Variants in MED23 observed in about 807,000 individuals in gnomAD.
MED23 encodes the protein mediator of RNA polymerase II transcription subunit 23.
Under a neutral mutation model 163.9 loss-of-function variants are expected in MED23, and 105 were observed. That is an observed-to-expected ratio of 0.64 (90% CI 0.55 to 0.75). The LOEUF (loss-of-function observed/expected upper bound fraction) is 0.75. MED23 is among the 30% of genes least tolerant of loss of function. The pLI is 0.00. For synonymous variants in MED23, 561 were observed against 565.6 expected, an observed-to-expected ratio of 0.99 and a Z score of 0.12; for missense variants, 1,054 against 1,649.0, an observed-to-expected ratio of 0.64 and a Z score of 6.25.
rs767560678 is a variant in MED23 at position 131,598,507 on chromosome 6, T to A, written c.2427-40A>T. On this transcript the variant is annotated intron_variant, in intron 19 of 28. Transcript: ENST00000368068. The surrounding 1 kb of genome is among the most constrained non-coding windows in gnomAD (Gnocchi z 4.7). ...GTAAAACATAAACTCCATTGTTGTA[T>A]GGATACAACAATTTGCCAAATGGAA... 3 of 1,613,936 alleles carry A rather than the reference T, an allele frequency of 1.9e-6. No homozygotes were observed. The highest frequency in any genetic ancestry group is 2.5e-6 in the Non-Finnish European group (3 of 1,179,854).
rs193256900 is a variant in MED23, at chr6:131,575,434, T to C, written c.4096-1139A>G. Among the ~76,000 whole-genome samples, 6 of 152,194 alleles carry C rather than the reference T, an allele frequency of 3.9e-5. No individual in the cohort carries two copies. In the East Asian group the frequency reaches 7.8e-4, roughly 20 times the overall value. ...AGAAGGAGAAATCATGTTTACTTGATTGGGGAGAGGCAGGTGTGTCAAGCA... is the reference window on the plus strand; with the variant it reads ...AGAAGGAGAAATCATGTTTACTTGACTGGGGAGAGGCAGGTGTGTCAAGCA... On this transcript the variant is annotated intron_variant, in intron 30 of 30. Transcript: ENST00000354577.
At chr6:131,594,638 A>T (rs1001502576) in intron 22 of MED23, among the ~76,000 whole-genome samples, 2 of 152,196 alleles carry the variant, frequency 1.3e-5, no homozygotes, top group Non-Finnish European at 2.9e-5. Flanking sequence ...ATGTCATTGC[A>T]GCCCTGTTTA....
downstream of MED23, chr6:131,582,824 C>G: frequency 1.1e-6 from 1 of 917,470 alleles, no homozygotes; most frequent in Non-Finnish European, 1.8e-6. Flanking sequence ...GACACACACA[C>G]ACACACATGC....
chr6:131,591,770 G>A, intron 25 of MED23: 1 of 529,984 alleles, frequency 1.9e-6, no homozygotes, highest in South Asian at 2.5e-5. Flanking sequence ...TATACACTAT[G>A]CAGTAAATCA....
intron 26 of MED23, 75 bp from the exon 27 acceptor site, chr6:131,590,517 A>C: frequency 1.1e-6 from 1 of 930,884 alleles, no homozygotes; most frequent in African/African-American, 1.7e-5. Context: ...TACAGTATAT[A>C]CAAAGTATTA....
At chr6:131,583,870 A>AATC, downstream of MED23, 1 of 1,614,152 alleles carries the variant, frequency 6.2e-7, no homozygotes, top group Non-Finnish European at 8.5e-7. Flanking sequence ...TCGGGAGGGT[A>AATC]ATCACAAGCC....
downstream of MED23, chr6:131,583,478 A>G (rs541871489): frequency 6.2e-7 from 1 of 1,614,132 alleles, no homozygotes; most frequent in Admixed American, 1.7e-5. Context: ...TCACAGAAGA[A>G]ATCTACAAAA....
chr6:131,615,017 T>C (rs1374655991), intron 10 of MED23, among the ~76,000 whole-genome samples: 6 of 104,932 alleles, frequency 5.7e-5, no homozygotes, highest in African/African-American at 2.2e-4. Flanking sequence ...AAATAAACCA[T>C]CAAAAAGTGA....
Position 131,598,173 on chromosome 6 carries a change from ATATAG to A in MED23, c.2607+109_2607+113del. The A allele has an allele frequency of 9.5e-7, 1 of 1,055,678 alleles. No homozygotes were observed. The highest frequency in any genetic ancestry group is 1.4e-5 in the South Asian group (1 of 71,906). The allele number at this position is 1,055,678 out of a possible 1,614,324, so 65.4% of individuals were successfully genotyped here. A position where few individuals can be genotyped will look rare whatever the true frequency, so the allele number is the denominator to read the frequency against. ...TTTAGGGAAGTGACAGCAATGCTTG[ATATAG>A]TATAAATTCATTAAATCCTTCAAAG... On this transcript the variant is annotated intron_variant, in intron 20 of 28. Coordinates refer to ENST00000368068, the MANE Select transcript of MED23 (RefSeq NM_004830.4). This position sits in a 1 kb window ranked among gnomAD's most constrained non-coding sequence, Gnocchi z 4.7.
At chr6:131,626,136 A>G (rs1022425308) in intron 3 of MED23, among the ~76,000 whole-genome samples, 28 of 151,464 alleles carry the variant, frequency 1.8e-4, no homozygotes, top group African/African-American at 5.6e-4. Flanking sequence ...AAAAAAAAAA[A>G]AAAAGAAAAG....
downstream of MED23, chr6:131,583,684 A>C: frequency 5.1e-6 from 8 of 1,576,698 alleles, no homozygotes; most frequent in Non-Finnish European, 7.0e-6. Flanking sequence ...GTCTGTCTGT[A>C]CTACTTTCAA....
Position 131,587,215 on chromosome 6 carries a change from T to C in MED23, c.*464A>G, listed in dbSNP as rs1774237022. On this transcript the variant is annotated 3_prime_UTR_variant, in exon 29 of 29. Coordinates refer to ENST00000368068, the MANE Select transcript of MED23 (RefSeq NM_004830.4). ...AAAATCTAGATTCCTTTTCTTGATA[T>C]AAATCTCTATTATTCTGAAAATCTA... 1 of 1,077,048 alleles carries C rather than the reference T, an allele frequency of 9.3e-7. No homozygotes were observed. Among genetic ancestry groups the C allele is most frequent in the Non-Finnish European group, 1.1e-6 (1 of 872,218 alleles). 66.7% of individuals were successfully genotyped at this position (1,077,048 alleles called of 1,614,324 possible).
chr6:131,605,517 A>G (rs1325651459), intron 13 of MED23, 32 bp from the exon 14 acceptor site: 1 of 1,530,700 alleles, frequency 6.5e-7, no homozygotes, highest in Non-Finnish European at 8.8e-7. Context: ...AAAAGAAAAA[A>G]TGAAAATAAC....
At chr6:131,600,613 A>G (rs1057377766) in intron 17 of MED23, among the ~76,000 whole-genome samples, 3 of 152,252 alleles carry the variant, frequency 2.0e-5, no homozygotes, top group Non-Finnish European at 4.4e-5. Flanking sequence ...AATTTACATA[A>G]ACGTATTTGA....
intron 13 of MED23, among the ~76,000 whole-genome samples, chr6:131,605,820 C>A (rs1201451781): frequency 6.6e-6 from 1 of 152,170 alleles, no homozygotes; most frequent in Admixed American, 6.5e-5. Flanking sequence ...TGTATAAACA[C>A]AACAATGTCT....
At chr6:131,626,429 AAAGG>A (rs1382241662) in intron 3 of MED23, among the ~76,000 whole-genome samples, 5 of 152,094 alleles carry the variant, frequency 3.3e-5, no homozygotes, top group Admixed American at 1.3e-4. Context: ...AAAAAGTAAG[AAAGG>A]AAGGAACAAG....
At chr6:131,601,567 A>G (rs1775484911) in intron 17 of MED23, among the ~76,000 whole-genome samples, 1 of 152,176 alleles carries the variant, frequency 6.6e-6, no homozygotes, top group African/African-American at 2.4e-5. Flanking sequence ...AACATTCCCA[A>G]TTATCTGAAA....
At chr6:131,622,571 C>T (rs1034692121) in intron 5 of MED23, among the ~76,000 whole-genome samples, 9 of 152,124 alleles carry the variant, frequency 5.9e-5, no homozygotes, top group South Asian at 2.1e-4. Flanking sequence ...CTATGAACTA[C>T]GTAACCAAGC....
chr6:131,614,826 G>C (rs1189636622), intron 10 of MED23, among the ~76,000 whole-genome samples: 2 of 151,800 alleles, frequency 1.3e-5, no homozygotes, highest in Non-Finnish European at 2.9e-5. Flanking sequence ...TTTTTGTGTT[G>C]TTTTTAATTT....
Sources: gnomAD v4.1 joint callset for allele counts (sites outside exome capture counted in the v4.1 genomes callset) on GRCh38, gnomAD v4.1.1 for gene constraint, Gnocchi (gnomAD v3.1) non-coding constraint, MANE v1.5 for transcripts, NCBI Gene and HGNC (gene_info 2026-07-23, HGNC 2026-07-21) for gene names.